Variants in ZNF385D observed in about 807,000 individuals in gnomAD.
ZNF385D encodes zinc finger protein 385D.
ZNF385D carries 15 observed loss-of-function variants against 35.8 expected under a neutral mutation model. The observed-to-expected ratio is 0.42, with a 90% confidence interval of 0.28 to 0.64. The LOEUF is 0.64. Ranked by LOEUF, ZNF385D falls within the 30% of genes least tolerant of loss-of-function variation. ZNF385D has a pLI of 0.23. For synonymous variants in ZNF385D, 212 were observed against 186.8 expected, an observed-to-expected ratio of 1.13 and a Z score of -1.10; for missense variants, 474 against 494.6, an observed-to-expected ratio of 0.96 and a Z score of 0.39.
chr3:21,442,558 C>A (rs565175035), intron 4 of ZNF385D, among the ~76,000 whole-genome samples: 1 of 152,190 alleles, frequency 6.6e-6, no homozygotes, highest in East Asian at 1.9e-4. Flanking sequence ...TCTTTTCTAC[C>A]ACTTTTATCT....
At chr3:22,208,029 TA>T (rs1447290845) in intron 2 of ZNF385D, among the ~76,000 whole-genome samples, 1 of 151,910 alleles carries the variant, frequency 6.6e-6, no homozygotes, top group Non-Finnish European at 1.5e-5. Context: ...AAGGTTCCTC[TA>T]AAAACTGAAA....
At chr3:21,945,817 C>A (rs1369545693) in intron 3 of ZNF385D, among the ~76,000 whole-genome samples, 1 of 150,904 alleles carries the variant, frequency 6.6e-6, no homozygotes, top group African/African-American at 2.5e-5. Context: ...ACATATGAAG[C>A]TGATGAACTC....
chr3:21,702,648 T>A (rs2067734700), intron 1 of ZNF385D, among the ~76,000 whole-genome samples: 1 of 152,222 alleles, frequency 6.6e-6, no homozygotes, highest in Non-Finnish European at 1.5e-5. Flanking sequence ...ATGCACTGTT[T>A]CCCTTTGAAA....
intron 4 of ZNF385D, among the ~76,000 whole-genome samples, chr3:21,453,405 A>T (rs1702589363): frequency 6.6e-6 from 1 of 152,008 alleles, no homozygotes; most frequent in Non-Finnish European, 1.5e-5. Flanking sequence ...GTGTGTAAAA[A>T]AACACTACCA....
At chr3:22,225,815 A>G (rs1015297830) in intron 2 of ZNF385D, among the ~76,000 whole-genome samples, 7 of 152,222 alleles carry the variant, frequency 4.6e-5, no homozygotes, top group Admixed American at 3.9e-4. Context: ...GTAAGCATTT[A>G]TTTGCTAGAT....
rs139265927 is a variant in ZNF385D, at chr3:22,285,906, G to A, written c.106+86544C>T. On this transcript the variant is annotated intron_variant, in intron 2 of 5. Coordinates refer to the ZNF385D transcript ENST00000494108. ...TTTACTATAAATCTTATGCCAAACC[G>A]TATTCTGAGAAAACAGCAGTAGTTA... is the stretch of plus-strand genomic sequence containing the variant. 3.3e-4 allele frequency among the ~76,000 whole-genome samples: 50 copies of A among 152,106 alleles called. No individual in the cohort carries two copies. In the East Asian group the frequency reaches 8.9e-3, roughly 27 times the overall value.
At chr3:22,030,296 T>TCCTATACAAATAACAA (rs1485385805) in intron 3 of ZNF385D, among the ~76,000 whole-genome samples, 1 of 100,196 alleles carries the variant, frequency 1.0e-5, no homozygotes, top group Non-Finnish European at 2.0e-5. Flanking sequence ...TATATATATA[T>TCCTATACAAATAACAA]ATATATCCTA....
At chr3:21,832,239 T>TA (rs1237263768) in intron 3 of ZNF385D, among the ~76,000 whole-genome samples, 1 of 152,072 alleles carries the variant, frequency 6.6e-6, no homozygotes, top group South Asian at 2.1e-4. Flanking sequence ...CCAATAAAAA[T>TA]AAAAAAAGAT....
At chr3:22,059,236 G>A (rs1425602787) in intron 3 of ZNF385D, among the ~76,000 whole-genome samples, 2 of 152,304 alleles carry the variant, frequency 1.3e-5, no homozygotes, top group South Asian at 2.1e-4. Flanking sequence ...AGTGACAGGT[G>A]TGTGGGTAAG....
chr3:21,670,904 T>G lies in ZNF385D; in HGVS notation c.23-5876A>C, dbSNP rs184834762. ...AAAAAAAATGGACCAGCATTCCTTG[T>G]GGGTAAGAGACCACCGATGGCAGAG... On this transcript the variant is annotated intron_variant, in intron 1 of 7. Coordinates refer to ENST00000281523, the MANE Select transcript of ZNF385D (RefSeq NM_024697.3). Among the ~76,000 whole-genome samples, 456 of 152,084 alleles carry G rather than the reference T, an allele frequency of 3.0e-3. 1 individual carries two copies. Among genetic ancestry groups the G allele is most frequent in the African/African-American group, 0.011 (444 of 41,512 alleles).
intron 4 of ZNF385D, among the ~76,000 whole-genome samples, chr3:21,504,297 G>C (rs1031652821): frequency 1.3e-5 from 2 of 151,812 alleles, no homozygotes; most frequent in Admixed American, 6.6e-5. Context: ...TTAGGGGTTA[G>C]ACTTGATGAC....
At chr3:21,443,137 G>A (rs958714155) in intron 4 of ZNF385D, 2 of 985,194 alleles carry the variant, frequency 2.0e-6, no homozygotes, top group Admixed American at 1.2e-4. Flanking sequence ...ATGAGGCTGT[G>A]GAGAAATCAA....
rs532605970 is a variant in ZNF385D, at chr3:22,336,594, C to T, written c.106+35856G>A. On this transcript the variant is annotated intron_variant, in intron 2 of 5. Transcript: ENST00000494108. ...TGTCACATCTGACAGCTATTTTCCA[C>T]AACACATCATCAAGTATTTCACTAC... is the stretch of plus-strand genomic sequence containing the variant. 2.0e-5 allele frequency among the ~76,000 whole-genome samples: 3 copies of T among 152,140 alleles called. No homozygotes were observed. In the South Asian group the frequency reaches 6.2e-4, roughly 32 times the overall value.
At chr3:22,104,370 T>G (rs1407777096) in intron 3 of ZNF385D, among the ~76,000 whole-genome samples, 3 of 152,276 alleles carry the variant, frequency 2.0e-5, no homozygotes, top group Non-Finnish European at 4.4e-5. Flanking sequence ...TATAATCTAC[T>G]TTGTTGATTC....
chr3:21,448,868 C>T (rs999334175), intron 4 of ZNF385D, among the ~76,000 whole-genome samples: 8 of 152,060 alleles, frequency 5.3e-5, no homozygotes, highest in African/African-American at 1.9e-4. Flanking sequence ...TGCCCCAGCA[C>T]CAAAATTTGC....
At chr3:21,837,048 G>A (rs1225487651) in intron 3 of ZNF385D, among the ~76,000 whole-genome samples, 2 of 152,038 alleles carry the variant, frequency 1.3e-5, no homozygotes, top group South Asian at 2.1e-4. Context: ...AAAATTCAAG[G>A]TATGTATCCT....
rs115888987 is a variant in ZNF385D, at chr3:21,947,668, G to C, written c.325+221149C>G. Among the ~76,000 whole-genome samples, 346 of 152,128 alleles carry C rather than the reference G, an allele frequency of 2.3e-3. 3 individuals are homozygous for C. The highest frequency in any genetic ancestry group is 7.9e-3 in the African/African-American group (327 of 41,514). On this transcript the variant is annotated intron_variant, in intron 3 of 5. Coordinates refer to the ZNF385D transcript ENST00000494108. The stretch of plus-strand genomic sequence containing the variant: ...CCCGGCTATAAGTTATTTTTAAATT[G>C]GTCATTTGCATGACTATTTTTTGCG...
intron 3 of ZNF385D, among the ~76,000 whole-genome samples, chr3:21,830,882 T>A (rs1694949416): frequency 6.6e-6 from 1 of 152,174 alleles, no homozygotes; most frequent in African/African-American, 2.4e-5. Flanking sequence ...ATGCCATTGA[T>A]CCAATTTATT....
chr3:22,243,836 G>T (rs868001779), intron 2 of ZNF385D, among the ~76,000 whole-genome samples: 2 of 150,714 alleles, frequency 1.3e-5, no homozygotes, highest in Admixed American at 6.6e-5. Context: ...ATATGTCAAG[G>T]GTGGAGCTCA....
Sources: gnomAD v4.1 joint callset for allele counts (sites outside exome capture counted in the v4.1 genomes callset) on GRCh38, gnomAD v4.1.1 for gene constraint, MANE v1.5 for transcripts, NCBI Gene and HGNC (gene_info 2026-07-23, HGNC 2026-07-21) for gene names.